ATP9A: variants seen among roughly 807,000 people sequenced by gnomAD.
The protein encoded by ATP9A is ATPase phospholipid transporting 9A, also known as probable phospholipid-transporting ATPase IIA.
A neutral mutation model predicts 144.1 loss-of-function variants in ATP9A; 52 were observed. That is an observed-to-expected ratio of 0.36 (90% CI 0.29 to 0.45). The LOEUF (loss-of-function observed/expected upper bound fraction) is 0.45, where lower values mean the gene tolerates loss of function less well. Among genes scored for constraint, ATP9A ranks in the 20% least tolerant of loss-of-function variants. ATP9A has a pLI of 1.00. For synonymous variants in ATP9A, 582 were observed against 557.4 expected, an observed-to-expected ratio of 1.04 and a Z score of -0.62; for missense variants, 947 against 1,392.7, an observed-to-expected ratio of 0.68 and a Z score of 5.09.
chr20:51,755,162 G>A (rs1413405090), intron 1 of ATP9A, among the ~76,000 whole-genome samples: 1 of 151,724 alleles, frequency 6.6e-6, no homozygotes, highest in African/African-American at 2.4e-5. Flanking sequence ...TATTGGCTGG[G>A]CGTGATGGCT....
intron 17 of ATP9A, among the ~76,000 whole-genome samples, chr20:51,626,254 C>T (rs1238037796): frequency 6.6e-6 from 1 of 152,130 alleles, no homozygotes; most frequent in African/African-American, 2.4e-5. Flanking sequence ...TCTAGAAGAC[C>T]GAGGCAGGCA....
At chr20:51,607,494 A>G (rs1223253774) in intron 26 of ATP9A, 33 bp downstream of exon 26, 2 of 1,569,078 alleles carry the variant, frequency 1.3e-6, no homozygotes, top group Non-Finnish European at 1.8e-6. Flanking sequence ...GTACCAGAGC[A>G]CAAGACAAAC....
chr20:51,693,130 A>G (rs1490401045), intron 7 of ATP9A, among the ~76,000 whole-genome samples: 2 of 152,202 alleles, frequency 1.3e-5, no homozygotes, highest in Admixed American at 6.5e-5. Context: ...GCCCCATCAT[A>G]CACACTGGGG....
At chr20:51,616,574 C>T (rs2122717745) in intron 22 of ATP9A, among the ~76,000 whole-genome samples, 1 of 152,290 alleles carries the variant, frequency 6.6e-6, no homozygotes, top group East Asian at 1.9e-4. Context: ...CCGCCTCAGC[C>T]TCCCAAACTG....
chr20:51,633,605 G>A (rs1226426818), intron 15 of ATP9A, among the ~76,000 whole-genome samples: 1 of 152,078 alleles, frequency 6.6e-6, no homozygotes, highest in Non-Finnish European at 1.5e-5. Context: ...ACTTAGCTGG[G>A]TGTGGCAGTG....
intron 26 of ATP9A, among the ~76,000 whole-genome samples, 156 bp downstream of exon 26, chr20:51,607,371 T>C (rs955285921): frequency 1.1e-4 from 16 of 152,244 alleles, no homozygotes; most frequent in Non-Finnish European, 2.4e-4. Context: ...TTCAAGTCCT[T>C]ATACAGGGTG....
intron 17 of ATP9A, 29 bp downstream of exon 17, chr20:51,627,571 G>A (rs2077254438): frequency 2.5e-6 from 4 of 1,600,106 alleles, no homozygotes; most frequent in Non-Finnish European, 2.6e-6. Context: ...GGGCTGCAAA[G>A]GCAATGGAAA....
At chr20:51,621,151 A>AAC (rs1404983796) in intron 19 of ATP9A, among the ~76,000 whole-genome samples, 1 of 151,616 alleles carries the variant, frequency 6.6e-6, no homozygotes, top group Non-Finnish European at 1.5e-5. Context: ...CCATCTCAAA[A>AAC]AAAAAAAAAA....
In ATP9A at chr20:51,665,509, A is replaced by G. The variant is rs536107539; in HGVS notation, c.1293+4488T>C. 3.3e-5 allele frequency among the ~76,000 whole-genome samples: 5 copies of G among 152,222 alleles called. No individual in the cohort carries two copies. The South Asian group carries it at 1.0e-3, about 32-fold the overall frequency. On this transcript the variant is annotated intron_variant, in intron 13 of 27. Transcript: ENST00000338821. Reference sequence around the variant, plus strand: ...CGAGGCAGGCAGATCATCTGAAATCAGGAGTTCGAGGCCAGCCTGGCCAAC... The same window carrying G: ...CGAGGCAGGCAGATCATCTGAAATCGGGAGTTCGAGGCCAGCCTGGCCAAC...
At chr20:51,686,926 CTT>C (rs11086353) in intron 9 of ATP9A, among the ~76,000 whole-genome samples, 10 of 142,600 alleles carry the variant, frequency 7.0e-5, no homozygotes, top group Admixed American at 2.8e-4. Context: ...CAGAGGGACT[CTT>C]TTTTTTTTTT....
chr20:51,727,113 G>T (rs1443836276), intron 2 of ATP9A, among the ~76,000 whole-genome samples: 1 of 151,402 alleles, frequency 6.6e-6, no homozygotes, highest in East Asian at 2.0e-4. Flanking sequence ...CCAACAAGGT[G>T]AAACCCCGTC....
chr20:51,619,987 A>C (rs2077219999), intron 19 of ATP9A, among the ~76,000 whole-genome samples: 1 of 152,182 alleles, frequency 6.6e-6, no homozygotes, highest in Non-Finnish European at 1.5e-5. Flanking sequence ...AAAAAGAAGA[A>C]GCTCTATTTT....
At chr20:51,644,085 G>T (rs905246501) in intron 14 of ATP9A, among the ~76,000 whole-genome samples, 8 of 151,838 alleles carry the variant, frequency 5.3e-5, no homozygotes, top group African/African-American at 1.9e-4. Flanking sequence ...CAGTGAGCTG[G>T]GATGGCGCCA....
In ATP9A at chr20:51,601,224, T is replaced by C; in HGVS notation, c.3131A>G (p.Lys1044Arg). 1 of 1,612,674 alleles carries C rather than the reference T, an allele frequency of 6.2e-7. No homozygotes were observed. Among genetic ancestry groups the C allele is most frequent in the Non-Finnish European group, 8.5e-7 (1 of 1,179,268 alleles). ...CGAACGCACGGCCTATGATGTGAGCTTTGAGTAGCTGGGGGGAGAGAACCG... is the reference window on the plus strand; with the variant it reads ...CGAACGCACGGCCTATGATGTGAGCCTTGAGTAGCTGGGGGGAGAGAACCG... The part of the protein sequence containing the change: ...RRRFSPPSYS[K>R]LTS The change falls in exon 28 of 28, where the codon AAG (lysine) becomes AGG (arginine). Residue 1044 changes from lysine to arginine, a missense_variant. Lys to Arg is a conservative substitution (Grantham distance 26). Around this residue, in one of 2 missense-constraint regions of ATP9A, gnomAD observed 177 missense variants for 344.9 expected, o/e 0.51. Coordinates refer to ENST00000338821, the MANE Select transcript of ATP9A (RefSeq NM_006045.3).
intron 18 of ATP9A, among the ~76,000 whole-genome samples, chr20:51,624,384 A>G (rs2077239170): frequency 6.6e-6 from 1 of 151,540 alleles, no homozygotes; most frequent in African/African-American, 2.4e-5. Flanking sequence ...GGTTGTTCAC[A>G]CCTCCCTTGG....
chr20:51,719,909 C>T (rs570066648), intron 3 of ATP9A, among the ~76,000 whole-genome samples: 47 of 152,026 alleles, frequency 3.1e-4, no homozygotes, highest in African/African-American at 8.9e-4. Flanking sequence ...ATTAACTGGG[C>T]GTGATGGCAC....
intron 27 of ATP9A, among the ~76,000 whole-genome samples, 171 bp from the exon 28 acceptor site, chr20:51,601,518 G>A (rs1011274394): frequency 8.5e-5 from 13 of 152,214 alleles, no homozygotes; most frequent in African/African-American, 1.4e-4. Flanking sequence ...AGGTACCATG[G>A]CTAAGAGCAC....
intron 3 of ATP9A, among the ~76,000 whole-genome samples, chr20:51,721,160 C>T (rs1275382473): frequency 6.6e-6 from 1 of 152,238 alleles, no homozygotes; most frequent in African/African-American, 2.4e-5. Context: ...GGCGTATGCA[C>T]GCCCACTCCC....
At chr20:51,626,490 CAAAT>C (rs920489680) in intron 17 of ATP9A, among the ~76,000 whole-genome samples, 3 of 97,560 alleles carry the variant, frequency 3.1e-5, no homozygotes, top group African/African-American at 1.0e-4. Context: ...AGCTCTGTCA[CAAAT>C]AAAAAAAAAA....
Sources: allele counts gnomAD v4.1 joint callset (sites outside exome capture counted in the v4.1 genomes callset), GRCh38; gene constraint gnomAD v4.1.1; regional missense constraint gnomAD v4.1.1; transcripts MANE v1.5; gene names NCBI Gene and HGNC (gene_info 2026-07-23, HGNC 2026-07-21).